The following HDC variants were observed in gnomAD, a reference collection of about 807,000 sequenced individuals.
HDC encodes histidine decarboxylase.
In HDC, 27 loss-of-function variants were observed where a neutral mutation model predicts 64.4. The ratio of observed to expected loss-of-function variants is 0.42; its 90% CI spans 0.31 to 0.58. HDC has a LOEUF of 0.58. Ranked by LOEUF, HDC falls within the 20% of genes least tolerant of loss-of-function variation. HDC has a pLI of 0.16. For synonymous variants in HDC, 305 were observed against 314.2 expected, an observed-to-expected ratio of 0.97 and a Z score of 0.31; for missense variants, 711 against 833.9, an observed-to-expected ratio of 0.85 and a Z score of 1.81.
At chr15:50,243,452 G>T (rs1482691983) in intron 10 of HDC, among the ~76,000 whole-genome samples, 2 of 152,122 alleles carry the variant, frequency 1.3e-5, no homozygotes, top group African/African-American at 4.8e-5. Flanking sequence ...CTGTCACATG[G>T]GATCCACCTC....
At chr15:50,261,712 C>CTT (rs140597386) in intron 2 of HDC, among the ~76,000 whole-genome samples, 3,672 of 140,272 alleles carry the variant, frequency 0.026, 71 homozygotes, top group African/African-American at 0.047. Context: ...ATTTTTGTCA[C>CTT]TTTTTTTTTT....
chr15:50,257,501 C>G lies in HDC; in HGVS notation c.365G>C (p.Trp122Ser). The G allele has an allele frequency of 6.2e-7, 1 of 1,614,174 alleles. No homozygotes were observed. The highest frequency in any genetic ancestry group is 8.5e-7 in the Non-Finnish European group (1 of 1,180,014). Residue 122 changes from tryptophan (W) to serine (S), a missense_variant, in exon 4 of 12, where the codon TGG (tryptophan) becomes TCG (serine). Trp to Ser is a radical substitution (Grantham distance 177). Transcript: ENST00000267845. ...TGGAAGTCCCAGCATTTTTGCCAAC[C>G]AGTCCATGACGTTCATCTCCAGCTC... is the stretch of plus-strand genomic sequence containing the variant. ...CTELEMNVMD[W>S]LAKMLGLPEH... is the part of the protein sequence containing the mutation.
At chr15:50,254,428 C>G in intron 5 of HDC, 102 bp downstream of exon 5, 1 of 1,555,022 alleles carries the variant, frequency 6.4e-7, no homozygotes, top group Non-Finnish European at 8.9e-7. Flanking sequence ...CTGAGCTGCT[C>G]AGAACCCCAG....
In HDC at chr15:50,242,322, G is replaced by A; in HGVS notation, c.1927C>T (p.Pro643Ser). Residue 643 changes from proline (P) to serine (S), a missense_variant, in exon 12 of 12, where the codon CCT becomes TCT. By Grantham distance (74) the Pro-to-Ser change is moderately conservative. This residue lies in a region of HDC where 483 missense variants were observed against 540.9 expected (regional missense o/e 0.89). Coordinates refer to ENST00000267845, the MANE Select transcript of HDC (RefSeq NM_002112.4). The part of the protein sequence containing the change: ...LIKFYSVPSF[P>S]ECSSQCGLQL... Reference sequence around the variant, plus strand: ...AGTCCACATTGAGAGCTGCATTCAGGAAAGCTGGGGACGCTGTAGAATTTG... The same window carrying A: ...AGTCCACATTGAGAGCTGCATTCAGAAAAGCTGGGGACGCTGTAGAATTTG... 3 of 1,614,188 alleles carry A rather than the reference G, an allele frequency of 1.9e-6. No individual in the cohort carries two copies. Among genetic ancestry groups the A allele is most frequent in the Non-Finnish European group, 2.5e-6 (3 of 1,180,026 alleles).
Position 50,254,193 on chromosome 15 carries a change from G to A in HDC, c.657C>T (p.Leu219=), listed in dbSNP as rs2045595536. ...KFLPVDDNFS[L]RGEALQKAIE... The stretch of plus-strand genomic sequence containing the variant: ...TGGCCTTCTGAAGAGCTTCCCCTCG[G>A]AGTGAGAAGTTGTCATCCACAGGCA... Residue 219 remains leucine (L), a synonymous_variant, in exon 6 of 12, where the codon CTC becomes CTT. Transcript: ENST00000267845. The A allele has an allele frequency of 1.2e-6, 2 of 1,614,166 alleles. No individual in the cohort carries two copies. The highest frequency in any genetic ancestry group is 1.1e-5 in the South Asian group (1 of 91,090).
At position 50,253,585 on chromosome 15, in the gene HDC, A is replaced by G; in HGVS notation, c.787+15T>C. 6.2e-7 allele frequency: 1 copy of G among 1,608,336 alleles called. No individual in the cohort carries two copies. The highest frequency in any genetic ancestry group is 8.5e-7 in the Non-Finnish European group (1 of 1,174,742). ...GTATTCCTTGTCTTCCTAGCCACAG[A>G]GGGAAGATACTTACAGATGGGGCCC... On this transcript the variant is annotated intron_variant, in intron 7 of 11. Transcript: ENST00000267845.
intron 4 of HDC, 80 bp from the exon 5 acceptor site, chr15:50,254,744 C>CTCTA: frequency 1.5e-5 from 5 of 344,234 alleles, no homozygotes; most frequent in Non-Finnish European, 2.3e-5. Context: ...TTTTTTCTCT[C>CTCTA]TCTCTCTCTC....
intron 9 of HDC, among the ~76,000 whole-genome samples, chr15:50,249,647 G>A (rs897807929): frequency 2.0e-5 from 3 of 152,244 alleles, no homozygotes; most frequent in Non-Finnish European, 2.9e-5. Flanking sequence ...GCTGTAACAA[G>A]GAAAGTGTCA....
intron 9 of HDC, among the ~76,000 whole-genome samples, chr15:50,250,658 TG>T (rs1336581298): frequency 6.6e-6 from 1 of 152,174 alleles, no homozygotes; most frequent in Non-Finnish European, 1.5e-5. Flanking sequence ...CATAGGAGAA[TG>T]GGCATCAATT....
In HDC at chr15:50,242,574, C is replaced by A. The variant is rs775075139; in HGVS notation, c.1675G>T (p.Asp559Tyr). 7.9e-5 allele frequency: 128 copies of A among 1,614,154 alleles called. No individual in the cohort carries two copies. In the South Asian group the frequency reaches 9.1e-4, roughly 11 times the overall value. The change falls in exon 12 of 12, where the codon GAT (aspartate) becomes TAT (tyrosine). Residue 559 changes from aspartate (D) to tyrosine (Y), a missense_variant. Physicochemically the swap from Asp to Tyr is radical, Grantham distance 160. Coordinates refer to ENST00000267845, the MANE Select transcript of HDC (RefSeq NM_002112.4). ...GAGGACAGCTTGTGCTTGGTGGCAT[C>A]TGGGGCCTCTTCTGAAAAGCAGTCA... ...VDDCFSEEAP[D>Y]ATKHKLSSFL...
Position 50,252,719 on chromosome 15 carries a change from G to A in HDC, c.843C>T (p.Phe281=). The stretch of plus-strand genomic sequence containing the variant: ...GAAACCCCCGGAACTCGGGGCACAG[G>A]AAGGCAGTGCCTGCATAAGCAGCAT... The part of the protein sequence containing the change: ...HIDAAYAGTA[F]LCPEFRGFLK... The change falls in exon 8 of 12, where the codon TTC becomes TTT. Residue 281 remains phenylalanine (F), a synonymous_variant. Coordinates refer to ENST00000267845, the MANE Select transcript of HDC (RefSeq NM_002112.4). 6.2e-7 allele frequency: 1 copy of A among 1,614,106 alleles called. No individual in the cohort carries two copies. Among genetic ancestry groups the A allele is most frequent in the Non-Finnish European group, 8.5e-7 (1 of 1,179,990 alleles).
chr15:50,248,768 G>A lies in HDC; in HGVS notation c.1042-425C>T, dbSNP rs2045516424. Among the ~76,000 whole-genome samples, 1 of 152,136 alleles carries A rather than the reference G, an allele frequency of 6.6e-6. No homozygotes were observed. Among genetic ancestry groups the A allele is most frequent in the South Asian group, 2.1e-4 (1 of 4,826 alleles). On this transcript the variant is annotated intron_variant, in intron 9 of 11. Coordinates refer to ENST00000267845, the MANE Select transcript of HDC (RefSeq NM_002112.4). This position sits in a 1 kb window ranked among gnomAD's most constrained non-coding sequence, Gnocchi z 4.3. ...CCCAAAATGTAAAGTATGGTAGTTAGAGCACAGACACTAGAGCCCTGCAGA... is the reference window on the plus strand; with the variant it reads ...CCCAAAATGTAAAGTATGGTAGTTAAAGCACAGACACTAGAGCCCTGCAGA...
chr15:50,252,393 C>T (rs2045567894), intron 9 of HDC, 37 bp downstream of exon 9: 1 of 1,578,592 alleles, frequency 6.3e-7, no homozygotes, highest in African/African-American at 1.3e-5. Context: ...CCACTGGCCA[C>T]CCGAGCCCAC....
In HDC at chr15:50,248,430, C is replaced by T; in HGVS notation, c.1042-87G>A. 4 of 868,808 alleles carry T rather than the reference C, an allele frequency of 4.6e-6. No homozygotes were observed. The highest frequency in any genetic ancestry group is 7.6e-6 in the Non-Finnish European group (4 of 523,328). 53.8% of individuals were successfully genotyped at this position (868,808 alleles called of 1,614,324 possible). On this transcript the variant is annotated intron_variant, in intron 9 of 11. Coordinates refer to ENST00000267845, the MANE Select transcript of HDC (RefSeq NM_002112.4). This position sits in a 1 kb window ranked among gnomAD's most constrained non-coding sequence, Gnocchi z 4.3. ...TTTCTGGGCATTATCTGTTGCCTGCCCAGCCCTCCAGGGATGGACGATGTC... is the reference window on the plus strand; with the variant it reads ...TTTCTGGGCATTATCTGTTGCCTGCTCAGCCCTCCAGGGATGGACGATGTC...
In HDC at chr15:50,259,883, G is replaced by T. The variant is rs2045680223; in HGVS notation, c.205-1366C>A. ...CTGGACAGTGTGTATAGTATAAGGA[G>T]CCTAAGAATTAAGTCCAAGGACACA... On this transcript the variant is annotated intron_variant, in intron 2 of 11. Coordinates refer to ENST00000267845, the MANE Select transcript of HDC (RefSeq NM_002112.4). 1.3e-5 allele frequency among the ~76,000 whole-genome samples: 2 copies of T among 152,266 alleles called. 1 individual carries two copies. Among genetic ancestry groups the T allele is most frequent in the South Asian group, 4.2e-4 (2 of 4,814 alleles).
rs377547096 is a variant in HDC, at chr15:50,242,721, T to A, written c.1528A>T (p.Ser510Cys). Residue 510 changes from serine (S) to cysteine (C), a missense_variant, in exon 12 of 12, where the codon AGT becomes TGT. This residue lies in a region of HDC where 483 missense variants were observed against 540.9 expected (regional missense o/e 0.89). Coordinates refer to ENST00000267845, the MANE Select transcript of HDC (RefSeq NM_002112.4). ...TGGACTGGATCATCTCCTGCCCCACTGACAGACTGAAGGGACGTTCCACAG... is the reference window on the plus strand; with the variant it reads ...TGGACTGGATCATCTCCTGCCCCACAGACAGACTGAAGGGACGTTCCACAG... ...WACGTSLQSVSGAGDDPVQAR... is the reference protein window; with the variant it reads ...WACGTSLQSVCGAGDDPVQAR... The A allele has an allele frequency of 6.2e-7, 1 of 1,614,100 alleles. No homozygotes were observed. Among genetic ancestry groups the A allele is most frequent in the East Asian group, 2.2e-5 (1 of 44,872 alleles).
chr15:50,261,264 T>C (rs965800837), intron 2 of HDC, among the ~76,000 whole-genome samples: 1 of 152,206 alleles, frequency 6.6e-6, no homozygotes, highest in Non-Finnish European at 1.5e-5. Flanking sequence ...CTGGAATTCC[T>C]CTTGATCAAA....
At chr15:50,265,524 G>T in intron 1 of HDC, 69 bp downstream of exon 1, 4 of 1,428,766 alleles carry the variant, frequency 2.8e-6, no homozygotes, top group Non-Finnish European at 4.0e-6. Context: ...GAATCTAAGG[G>T]CCACCCACCA....
At chr15:50,253,223 A>C (rs1354975059) in intron 7 of HDC, 2 of 375,462 alleles carry the variant, frequency 5.3e-6, no homozygotes, top group Admixed American at 7.8e-5. Context: ...CCCCTACCCT[A>C]CCCTTTTCCT....
Sources: gnomAD v4.1 joint callset for allele counts (sites outside exome capture counted in the v4.1 genomes callset) on GRCh38, gnomAD v4.1.1 for gene constraint, gnomAD v4.1.1 regional missense constraint, Gnocchi (gnomAD v3.1) non-coding constraint, MANE v1.5 for transcripts, NCBI Gene and HGNC (gene_info 2026-07-23, HGNC 2026-07-21) for gene names.